IQGAP2: variants seen among roughly 807,000 people sequenced by gnomAD.
IQGAP2 encodes the protein IQ motif containing GTPase activating protein 2, also known as ras GTPase-activating-like protein IQGAP2.
In IQGAP2, 173 loss-of-function variants were observed where a neutral mutation model predicts 201.3. The observed-to-expected ratio is 0.86, with a 90% CI of 0.76 to 0.98. The LOEUF is 0.98. Ranked by LOEUF, IQGAP2 falls within the 50% of genes least tolerant of loss-of-function variation. The pLI, the probability that IQGAP2 is intolerant of heterozygous loss-of-function variation, is 0.00. For missense variants in IQGAP2, 1,687 were observed against 1,864.8 expected, an observed-to-expected ratio of 0.90 and a Z score of 1.76; for synonymous variants, 675 against 673.9, an observed-to-expected ratio of 1.00 and a Z score of -0.03.
At chr5:76,690,325 A>T (rs1054912905) in intron 30 of IQGAP2, among the ~76,000 whole-genome samples, 2 of 152,304 alleles carry the variant, frequency 1.3e-5, no homozygotes, top group Admixed American at 1.3e-4. Flanking sequence ...ATGGTGGAAG[A>T]GGGGATAGAG....
intron 2 of IQGAP2, among the ~76,000 whole-genome samples, chr5:76,494,640 GA>G (rs1423502438): frequency 6.6e-6 from 1 of 152,198 alleles, no homozygotes; most frequent in East Asian, 1.9e-4. Context: ...CCACACCGCA[GA>G]AGGTTTTTAG....
At chr5:76,659,821 A>T (rs1743096369) in intron 21 of IQGAP2, among the ~76,000 whole-genome samples, 1 of 152,038 alleles carries the variant, frequency 6.6e-6, no homozygotes, top group South Asian at 2.1e-4. Context: ...GTATTTCCAA[A>T]ATGTGACTCC....
Position 76,488,278 on chromosome 5 carries a change from C to A in IQGAP2, c.146+26609C>A, listed in dbSNP as rs181980915. Among the ~76,000 whole-genome samples, 3 of 152,302 alleles carry A rather than the reference C, an allele frequency of 2.0e-5. No homozygotes were observed. The East Asian group carries it at 5.8e-4, about 29-fold the overall frequency. On this transcript the variant is annotated intron_variant, in intron 2 of 35. Transcript: ENST00000274364. ...AGTGAGAAATTAGCTTACTCTTTGG[C>A]ATCAAAGTGTGACATTTGTCTGTGG...
intron 1 of IQGAP2, among the ~76,000 whole-genome samples, chr5:76,454,454 AC>A (rs1299034131): frequency 1.1e-5 from 1 of 87,328 alleles, no homozygotes; most frequent in East Asian, 4.0e-4. Context: ...CCCCCACCCC[AC>A]AACAGTCCCC....
At chr5:76,423,375 C>T (rs972641047) in intron 1 of IQGAP2, among the ~76,000 whole-genome samples, 2 of 152,192 alleles carry the variant, frequency 1.3e-5, no homozygotes, top group Non-Finnish European at 2.9e-5. Flanking sequence ...GTAATCCCAG[C>T]ACTTTGGCAG....
At chr5:76,617,565 T>C in intron 13 of IQGAP2, 2 of 1,583,146 alleles carry the variant, frequency 1.3e-6, no homozygotes, top group Non-Finnish European at 1.7e-6. Flanking sequence ...CTGTCCTTGT[T>C]CTCTAAGATC....
intron 2 of IQGAP2, among the ~76,000 whole-genome samples, chr5:76,466,921 T>C (rs1330383868): frequency 6.6e-6 from 1 of 152,180 alleles, no homozygotes; most frequent in African/African-American, 2.4e-5. Flanking sequence ...AGACAAATCA[T>C]GTGTCTGATA....
intron 12 of IQGAP2, chr5:76,609,215 A>G: frequency 6.5e-7 from 1 of 1,535,814 alleles, no homozygotes; most frequent in Non-Finnish European, 8.7e-7. Context: ...CCATTTTTGG[A>G]TGGGGTGTTT....
chr5:76,510,608 T>C, intron 2 of IQGAP2: 1 of 510,128 alleles, frequency 2.0e-6, no homozygotes, highest in East Asian at 5.9e-5. Flanking sequence ...ATCGATGTCC[T>C]CTAGATCAGA....
intron 1 of IQGAP2, among the ~76,000 whole-genome samples, chr5:76,461,033 C>G (rs1754419743): frequency 6.6e-6 from 1 of 151,758 alleles, no homozygotes; most frequent in African/African-American, 2.4e-5. Context: ...TGCCCCCCAC[C>G]ACACCTGGCT....
At chr5:76,578,710 T>G (rs563284521) in intron 5 of IQGAP2, among the ~76,000 whole-genome samples, 185 of 152,276 alleles carry the variant, frequency 1.2e-3, no homozygotes, top group South Asian at 3.3e-3. Context: ...AGGAAGAATG[T>G]TAAAGAAAAA....
chr5:76,532,162 A>G (rs1357474962), intron 2 of IQGAP2, among the ~76,000 whole-genome samples: 3 of 152,096 alleles, frequency 2.0e-5, no homozygotes, highest in African/African-American at 7.2e-5. Context: ...TTTTGTAATC[A>G]TTTTCTGTGT....
Position 76,668,533 on chromosome 5 carries a change from A to C in IQGAP2, c.2680-148A>C. 5 of 619,446 alleles carry C rather than the reference A, an allele frequency of 8.1e-6. No individual in the cohort carries two copies. The South Asian group carries it at 1.1e-4, about 14-fold the overall frequency. The allele number at this position is 619,446 out of a possible 1,614,324, so 38.4% of individuals were successfully genotyped here. ...CATAGAGATGAGTACCTGGCATATA[A>C]AAATTATTTTATATACTCATCTATA... On this transcript the variant is annotated intron_variant, in intron 22 of 35. Coordinates refer to ENST00000274364, the MANE Select transcript of IQGAP2 (RefSeq NM_006633.5).
chr5:76,667,170 T>C (rs1743855300), intron 22 of IQGAP2, among the ~76,000 whole-genome samples: 1 of 142,028 alleles, frequency 7.0e-6, no homozygotes, highest in African/African-American at 2.6e-5. Context: ...TGAGTAGGCA[T>C]CTTTCTTTAG....
chr5:76,423,289 G>C (rs1441301420), intron 1 of IQGAP2, among the ~76,000 whole-genome samples: 2 of 152,126 alleles, frequency 1.3e-5, no homozygotes, highest in Non-Finnish European at 2.9e-5. Flanking sequence ...GGGTTGGCTG[G>C]TACCTGCTAT....
At chr5:76,628,113 C>G (rs143403546) in intron 14 of IQGAP2, among the ~76,000 whole-genome samples, 4 of 152,356 alleles carry the variant, frequency 2.6e-5, no homozygotes, top group South Asian at 2.1e-4. Flanking sequence ...AGGAAAAACT[C>G]AGCTACACTA....
At chr5:76,460,409 A>G (rs1754375801) in intron 1 of IQGAP2, among the ~76,000 whole-genome samples, 1 of 152,142 alleles carries the variant, frequency 6.6e-6, no homozygotes, top group Admixed American at 6.6e-5. Context: ...GGGGAGATGC[A>G]AAGTGCTCTA....
At chr5:76,703,950 G>A (rs1025232222) in intron 35 of IQGAP2, among the ~76,000 whole-genome samples, 18 of 152,188 alleles carry the variant, frequency 1.2e-4, no homozygotes, top group Non-Finnish European at 2.5e-4. Flanking sequence ...TCATGGGAGT[G>A]TGTGCCAGAG....
intron 1 of IQGAP2, among the ~76,000 whole-genome samples, chr5:76,444,939 T>C (rs982598966): frequency 2.0e-5 from 3 of 152,188 alleles, no homozygotes; most frequent in African/African-American, 7.2e-5. Context: ...TTAGCAGTAG[T>C]TCTGTCTTAA....
Sources: allele counts gnomAD v4.1 joint callset (sites outside exome capture counted in the v4.1 genomes callset), GRCh38; gene constraint gnomAD v4.1.1; transcripts MANE v1.5; gene names NCBI Gene and HGNC (gene_info 2026-07-23, HGNC 2026-07-21).